The following CDK8 variants were observed in gnomAD, a reference collection of about 807,000 sequenced individuals.
The protein encoded by CDK8 is cyclin dependent kinase 8.
A neutral mutation model predicts 71.5 loss-of-function variants in CDK8; 29 were observed. That is an observed-to-expected ratio of 0.41 (90% CI 0.30 to 0.55). CDK8 has a LOEUF of 0.55. CDK8 is among the 20% of genes least tolerant of loss of function. CDK8 has a pLI of 0.37. For missense variants in CDK8, 288 were observed against 572.6 expected (o/e 0.50, Z 5.07); for synonymous variants, 161 against 192.1 (o/e 0.84, Z 1.34).
At chr13:26,384,197 C>G (rs544154480) in intron 5 of CDK8, among the ~76,000 whole-genome samples, 17 of 151,584 alleles carry the variant, frequency 1.1e-4, no homozygotes, top group Admixed American at 1.1e-3. Context: ...TTCTGTAAAT[C>G]AGTATTTAGT....
chr13:26,266,592 G>T (rs1022127514), intron 1 of CDK8, among the ~76,000 whole-genome samples: 25 of 152,138 alleles, frequency 1.6e-4, no homozygotes, highest in African/African-American at 5.3e-4. Context: ...GAGGGCAAGG[G>T]AGATAAAGAA....
chr13:26,376,498 T>G (rs1355566879), intron 4 of CDK8, among the ~76,000 whole-genome samples: 2 of 152,244 alleles, frequency 1.3e-5, no homozygotes, highest in Non-Finnish European at 2.9e-5. Flanking sequence ...CATGTTAATA[T>G]GTGTACACAT....
intron 1 of CDK8, among the ~76,000 whole-genome samples, chr13:26,318,544 C>G (rs895069410): frequency 1.3e-5 from 2 of 152,120 alleles, no homozygotes; most frequent in African/African-American, 2.4e-5. Flanking sequence ...AAAATACTAG[C>G]ACCCCAAATT....
At chr13:26,358,182 C>T (rs2138006122) in intron 4 of CDK8, among the ~76,000 whole-genome samples, 1 of 152,158 alleles carries the variant, frequency 6.6e-6, no homozygotes, top group Admixed American at 6.5e-5. Context: ...GCCTGTAGTC[C>T]CAGCTACTTG....
chr13:26,381,668 A>T (rs959326966), intron 4 of CDK8, among the ~76,000 whole-genome samples: 1 of 152,096 alleles, frequency 6.6e-6, no homozygotes, highest in East Asian at 1.9e-4. Flanking sequence ...AAGTCATTTA[A>T]CCTCTCTGGT....
At chr13:26,354,011 C>A in intron 4 of CDK8, 131 bp downstream of exon 4, 1 of 726,652 alleles carries the variant, frequency 1.4e-6, no homozygotes, top group Non-Finnish European at 2.4e-6. Context: ...GCTACCTTCT[C>A]AAAACATGGC....
intron 4 of CDK8, among the ~76,000 whole-genome samples, chr13:26,368,502 G>A (rs1301284545): frequency 2.6e-5 from 4 of 152,122 alleles, no homozygotes; most frequent in Non-Finnish European, 4.4e-5. Context: ...AAGAAAACAT[G>A]CTGCCAATTT....
intron 1 of CDK8, among the ~76,000 whole-genome samples, chr13:26,323,754 C>A (rs372147323): frequency 6.6e-6 from 1 of 152,062 alleles, no homozygotes; most frequent in Non-Finnish European, 1.5e-5. Context: ...TTTCTACTCA[C>A]GTATATGCAC....
chr13:26,305,658 A>G lies in CDK8; in HGVS notation c.129-31909A>G, dbSNP rs187728494. ...TGGTTTTCATCATTTTGTCATTCCAATATTTTTAATATTTTCCTCTAGTAT... is the reference window on the plus strand; with the variant it reads ...TGGTTTTCATCATTTTGTCATTCCAGTATTTTTAATATTTTCCTCTAGTAT... On this transcript the variant is annotated intron_variant, in intron 1 of 12. Transcript: ENST00000381527. Among the ~76,000 whole-genome samples, 421 of 152,140 alleles carry G rather than the reference A, an allele frequency of 2.8e-3. 1 individual carries two copies. The highest frequency in any genetic ancestry group is 0.01 in the Middle Eastern group (3 of 294).
intron 1 of CDK8, among the ~76,000 whole-genome samples, chr13:26,293,762 T>C (rs1873413127): frequency 6.6e-6 from 1 of 152,206 alleles, no homozygotes; most frequent in Admixed American, 6.5e-5. Context: ...ATGGACTAGC[T>C]ATGTTGAGCT....
intron 1 of CDK8, chr13:26,324,793 T>C: frequency 1.1e-6 from 1 of 885,824 alleles, no homozygotes; most frequent in Non-Finnish European, 1.4e-6. Context: ...CAAATGACTT[T>C]GGGAAGATAA....
At chr13:26,330,496 C>T (rs867294015) in intron 1 of CDK8, among the ~76,000 whole-genome samples, 2 of 152,214 alleles carry the variant, frequency 1.3e-5, no homozygotes, top group Non-Finnish European at 2.9e-5. Flanking sequence ...TGAGCTACCA[C>T]GCCCGGCTGA....
At chr13:26,275,523 G>A (rs1872527921) in intron 1 of CDK8, among the ~76,000 whole-genome samples, 1 of 152,134 alleles carries the variant, frequency 6.6e-6, no homozygotes, top group South Asian at 2.1e-4. Context: ...TACGTCTCAT[G>A]TAATATTTGT....
chr13:26,355,383 A>G (rs541973951), intron 4 of CDK8, among the ~76,000 whole-genome samples: 2 of 152,338 alleles, frequency 1.3e-5, no homozygotes, highest in East Asian at 3.9e-4. Flanking sequence ...TGGGAGGCCA[A>G]GGCGGGTGGA....
intron 1 of CDK8, among the ~76,000 whole-genome samples, chr13:26,296,466 A>G (rs1205391645): frequency 6.6e-6 from 1 of 152,228 alleles, no homozygotes. Flanking sequence ...GAAGCAATTC[A>G]GAATCCTCTT....
intron 1 of CDK8, among the ~76,000 whole-genome samples, chr13:26,292,989 G>A (rs1873370193): frequency 6.6e-6 from 1 of 152,110 alleles, no homozygotes; most frequent in African/African-American, 2.4e-5. Context: ...TGTAGGACTG[G>A]GTGCTTTCAG....
At chr13:26,343,167 T>G (rs1252987943) in intron 2 of CDK8, among the ~76,000 whole-genome samples, 2 of 152,190 alleles carry the variant, frequency 1.3e-5, no homozygotes, top group African/African-American at 4.8e-5. Flanking sequence ...AATGCATTAT[T>G]AGGCGATCTC....
At chr13:26,328,939 T>C (rs1565974449) in intron 1 of CDK8, among the ~76,000 whole-genome samples, 1 of 152,222 alleles carries the variant, frequency 6.6e-6, no homozygotes, top group Non-Finnish European at 1.5e-5. Context: ...TTCTAGCATA[T>C]TTTATAGTCT....
Position 26,400,383 on chromosome 13 carries a change from T to A in CDK8, c.934-70T>A, listed in dbSNP as rs548324312. On this transcript the variant is annotated intron_variant, in intron 9 of 12. Coordinates refer to ENST00000381527, the MANE Select transcript of CDK8 (RefSeq NM_001260.3). ...GTTATTCACCAAAAAATATATATCG[T>A]CTTCACATATGTGCTGAAAGATAAC... 6.8e-4 allele frequency: 622 copies of A among 911,798 alleles called. 1 individual carries two copies. The highest frequency in any genetic ancestry group is 1.5e-3 in the Admixed American group (78 of 53,736). The allele number at this position is 911,798 out of a possible 1,614,324, so 56.5% of individuals were successfully genotyped here.
Sources: gnomAD v4.1 joint callset for allele counts (sites outside exome capture counted in the v4.1 genomes callset) on GRCh38, gnomAD v4.1.1 for gene constraint, MANE v1.5 for transcripts, NCBI Gene and HGNC (gene_info 2026-07-23, HGNC 2026-07-21) for gene names.